FMNL3: variants seen among roughly 807,000 people sequenced by gnomAD.
The protein encoded by FMNL3 is formin-like protein 3.
A neutral mutation model predicts 119.6 loss-of-function variants in FMNL3; 57 were observed. That is an observed-to-expected ratio of 0.48 (90% CI 0.39 to 0.59). The LOEUF is 0.59. Ranked by LOEUF, FMNL3 falls within the 20% of genes least tolerant of loss-of-function variation. The probability of loss-of-function intolerance (pLI) is 0.00; values close to 1 mark genes in which losing one functional copy is unlikely to be tolerated. For missense variants in FMNL3, 1,053 were observed against 1,323.5 expected (o/e 0.80, Z 3.17); for synonymous variants, 491 against 507.3 (o/e 0.97, Z 0.43).
intron 1 of FMNL3, among the ~76,000 whole-genome samples, chr12:49,691,750 C>A (rs12319527): frequency 0.022 from 3,381 of 152,054 alleles, 133 homozygotes; most frequent in African/African-American, 0.078. Flanking sequence ...AAAGTTGGGT[C>A]TGGCCAGGTG....
At chr12:49,674,540 G>A (rs1266798872) in intron 1 of FMNL3, among the ~76,000 whole-genome samples, 1 of 152,224 alleles carries the variant, frequency 6.6e-6, no homozygotes, top group Non-Finnish European at 1.5e-5. Flanking sequence ...AGAAGCATGT[G>A]AGTACAAGTC....
intron 1 of FMNL3, among the ~76,000 whole-genome samples, chr12:49,705,768 G>A (rs548114059): frequency 6.6e-6 from 1 of 152,320 alleles, no homozygotes; most frequent in East Asian, 1.9e-4. Flanking sequence ...CAGAGCTGGC[G>A]GGCAGAGAGG....
At chr12:49,682,013 T>G (rs963481381) in intron 1 of FMNL3, among the ~76,000 whole-genome samples, 1 of 151,082 alleles carries the variant, frequency 6.6e-6, no homozygotes, top group South Asian at 2.1e-4. Context: ...ACTCCAGGAG[T>G]CACATTTGAC....
chr12:49,648,027 C>T (rs533534158), intron 22 of FMNL3, among the ~76,000 whole-genome samples, 166 bp downstream of exon 22: 3 of 151,744 alleles, frequency 2.0e-5, no homozygotes, highest in East Asian at 1.9e-4. Flanking sequence ...CTCTCCCCTA[C>T]ATGTCTCCAG....
chr12:49,681,051 G>A (rs1404378480), intron 1 of FMNL3, among the ~76,000 whole-genome samples: 1 of 152,228 alleles, frequency 6.6e-6, no homozygotes, highest in Non-Finnish European at 1.5e-5. Context: ...GCACAACTGA[G>A]TGAAACCAGC....
rs1592600129 is a variant in FMNL3 at position 49,637,271 on chromosome 12, C to T, written c.*8544G>A. ...TTGTTCTCACCTTTTTGTTCTGTCC[C>T]TCTCTGTGTATTTACTTTCTCTCTT... On this transcript the variant is annotated 3_prime_UTR_variant, in exon 26 of 26. Coordinates refer to ENST00000335154, the MANE Select transcript of FMNL3 (RefSeq NM_175736.5). 3 of 596,812 alleles carry T rather than the reference C, an allele frequency of 5.0e-6. No individual in the cohort carries two copies. Among genetic ancestry groups the T allele is most frequent in the Non-Finnish European group, 9.0e-6 (3 of 335,064 alleles). 37.0% of individuals were successfully genotyped at this position (596,812 alleles called of 1,614,324 possible).
chr12:49,687,810 T>C (rs1470440619), intron 1 of FMNL3, among the ~76,000 whole-genome samples: 1 of 152,204 alleles, frequency 6.6e-6, no homozygotes, highest in Non-Finnish European at 1.5e-5. Context: ...GACTGAATAA[T>C]GCCTACTTTC....
Position 49,644,012 on chromosome 12 carries a change from G to T in FMNL3, c.*1803C>A. ...GGAATCAAGAAGGAGAAGGTGAGGG[G>T]CAGGGGCCCTAGGCCAGTCAGCACG... On this transcript the variant is annotated 3_prime_UTR_variant, in exon 26 of 26. Coordinates refer to ENST00000335154, the MANE Select transcript of FMNL3 (RefSeq NM_175736.5). 1 of 1,614,140 alleles carries T rather than the reference G, an allele frequency of 6.2e-7. No individual in the cohort carries two copies. The highest frequency in any genetic ancestry group is 8.5e-7 in the Non-Finnish European group (1 of 1,180,016).
chr12:49,645,803 T>C lies in FMNL3; in HGVS notation c.*12A>G, dbSNP rs751868186. On this transcript the variant is annotated 3_prime_UTR_variant, in exon 26 of 26. Transcript: ENST00000335154. ...CTCTGAGGGGTGAAGTGCTTCTGCCTCCGAGAGGGTCTCAGTGGGGGCCTG... is the reference window on the plus strand; with the variant it reads ...CTCTGAGGGGTGAAGTGCTTCTGCCCCCGAGAGGGTCTCAGTGGGGGCCTG... 2 of 1,594,240 alleles carry C rather than the reference T, an allele frequency of 1.3e-6. No individual in the cohort carries two copies. Among genetic ancestry groups the C allele is most frequent in the East Asian group, 2.3e-5 (1 of 43,722 alleles).
chr12:49,697,889 A>T (rs561464092), intron 1 of FMNL3, among the ~76,000 whole-genome samples: 4 of 152,220 alleles, frequency 2.6e-5, no homozygotes, highest in Non-Finnish European at 4.4e-5. Context: ...GCTGGATCAG[A>T]ACCTAAGTCT....
rs1942144091 is a variant in FMNL3, at chr12:49,638,420, A to G, written c.*7395T>C. ...CTCAAGCTGAGATGCCACTTTAGAA[A>G]GGGCAAGTCATCCTTCTCACCATTC... On this transcript the variant is annotated 3_prime_UTR_variant, in exon 26 of 26. Transcript: ENST00000335154. 1 of 152,352 alleles carries G rather than the reference A, an allele frequency of 6.6e-6. No homozygotes were observed. The highest frequency in any genetic ancestry group is 2.4e-5 in the African/African-American group (1 of 41,458). 9.4% of individuals were successfully genotyped at this position (152,352 alleles called of 1,614,324 possible).
chr12:49,657,001 A>T, intron 7 of FMNL3, 81 bp downstream of exon 7: 1 of 1,549,040 alleles, frequency 6.5e-7, no homozygotes, highest in South Asian at 1.1e-5. Context: ...GTCTTTTATA[A>T]GCTGATGCCC....
chr12:49,643,292 C>T lies in FMNL3; in HGVS notation c.*2523G>A. The T allele has an allele frequency of 6.2e-7, 1 of 1,613,334 alleles. No individual in the cohort carries two copies. The highest frequency in any genetic ancestry group is 8.5e-7 in the Non-Finnish European group (1 of 1,179,770). The stretch of plus-strand genomic sequence containing the variant: ...GCCCCCCAAGCGGAGGAGGCGGAAC[C>T]CCTCAGAGTCAGGCTCTGAGCCCTC... On this transcript the variant is annotated 3_prime_UTR_variant, in exon 26 of 26. Coordinates refer to ENST00000335154, the MANE Select transcript of FMNL3 (RefSeq NM_175736.5).
At position 49,647,226 on chromosome 12, in the gene FMNL3, C is replaced by A. The variant is rs747200127; in HGVS notation, c.2871+50G>T. 1 of 1,605,432 alleles carries A rather than the reference C, an allele frequency of 6.2e-7. No individual in the cohort carries two copies. On this transcript the variant is annotated intron_variant, in intron 24 of 25. Transcript: ENST00000335154. This position sits in a 1 kb window ranked among gnomAD's most constrained non-coding sequence, Gnocchi z 4.9. ...CTCTAGCCTTCTGACCCCCAGCCCCCACTCTTTTGCCTTGTCGTCCTCCAG... is the reference window on the plus strand; with the variant it reads ...CTCTAGCCTTCTGACCCCCAGCCCCAACTCTTTTGCCTTGTCGTCCTCCAG...
chr12:49,657,235 G>A, intron 6 of FMNL3, 45 bp from the exon 7 acceptor site: 1 of 1,447,140 alleles, frequency 6.9e-7, no homozygotes, highest in Non-Finnish European at 9.7e-7. Context: ...GAGGCTGCCA[G>A]TGAAGCATCT....
At chr12:49,670,334 T>C (rs1212222128) in intron 1 of FMNL3, among the ~76,000 whole-genome samples, 1 of 152,220 alleles carries the variant, frequency 6.6e-6, no homozygotes, top group Non-Finnish European at 1.5e-5. Flanking sequence ...TAAACATAAC[T>C]CAGATATACT....
At chr12:49,658,348 G>A (rs1027590966) in intron 6 of FMNL3, 94 bp downstream of exon 6, 72 of 1,467,654 alleles carry the variant, frequency 4.9e-5, no homozygotes, top group Admixed American at 1.3e-4. Context: ...GGAAGCAAGA[G>A]TGGAGGGAGG....
At position 49,647,720 on chromosome 12, in the gene FMNL3, A is replaced by T. The variant is rs1331846648; in HGVS notation, c.2761T>A (p.Phe921Ile). 6.2e-7 allele frequency: 1 copy of T among 1,614,096 alleles called. No individual in the cohort carries two copies. Among genetic ancestry groups the T allele is most frequent in the Admixed American group, 1.7e-5 (1 of 60,022 alleles). The part of the protein sequence containing the change: ...PSVFFPVFVR[F>I]IRSYKEAEQE... Reference sequence around the variant, plus strand: ...CAGCTTACCTTGTAAGAACGAATGAATCGGACAAATACTGGGAAGAATACA... The same window carrying T: ...CAGCTTACCTTGTAAGAACGAATGATTCGGACAAATACTGGGAAGAATACA... The change falls in exon 23 of 26, where the codon TTC (phenylalanine) becomes ATC (isoleucine). Residue 921 changes from phenylalanine to isoleucine, a missense_variant. This residue lies in a region of FMNL3 where 324 missense variants were observed against 380.9 expected (regional missense o/e 0.85). Transcript: ENST00000335154. This position sits in a 1 kb window ranked among gnomAD's most constrained non-coding sequence, Gnocchi z 4.9.
At position 49,643,556 on chromosome 12, in the gene FMNL3, G is replaced by A; in HGVS notation, c.*2259C>T. The stretch of plus-strand genomic sequence containing the variant: ...CTCTACCTGCCCAAGCAAGAAGCTG[G>A]AGAAGGAAAACTGGACTTAGACTTC... On this transcript the variant is annotated 3_prime_UTR_variant, in exon 26 of 26. Transcript: ENST00000335154. 7.3e-7 allele frequency: 1 copy of A among 1,363,280 alleles called. No homozygotes were observed. The highest frequency in any genetic ancestry group is 1.5e-5 in the South Asian group (1 of 67,754). The allele number at this position is 1,363,280 out of a possible 1,614,324, so 84.4% of individuals were successfully genotyped here.
Sources: allele counts gnomAD v4.1 joint callset (sites outside exome capture counted in the v4.1 genomes callset), GRCh38; gene constraint gnomAD v4.1.1; regional missense constraint gnomAD v4.1.1; non-coding constraint Gnocchi (gnomAD v3.1); transcripts MANE v1.5; gene names NCBI Gene and HGNC (gene_info 2026-07-23, HGNC 2026-07-21).